Variants in ADCY8 observed in about 807,000 individuals in gnomAD.
The protein encoded by ADCY8 is adenylate cyclase type 8.
Under a neutral mutation model 119.7 loss-of-function variants are expected in ADCY8, and 51 were observed. The observed-to-expected ratio is 0.43, with a 90% confidence interval of 0.34 to 0.54. The LOEUF (loss-of-function observed/expected upper bound fraction) is 0.54, where lower values mean the gene tolerates loss of function less well. Ranked by LOEUF, ADCY8 falls within the 20% of genes least tolerant of loss-of-function variation. The pLI is 0.03. For missense variants in ADCY8, 1,383 were observed against 1,598.8 expected, an observed-to-expected ratio of 0.87 and a Z score of 2.30; for synonymous variants, 665 against 651.0, an observed-to-expected ratio of 1.02 and a Z score of -0.33.
chr8:131,040,347 A>AG lies in ADCY8; in HGVS notation c.-15dup. 1 of 1,475,166 alleles carries AG rather than the reference A, an allele frequency of 6.8e-7. No individual in the cohort carries two copies. The highest frequency in any genetic ancestry group is 1.4e-5 in the South Asian group (1 of 70,672). 91.4% of individuals were successfully genotyped at this position (1,475,166 alleles called of 1,614,324 possible). A position where few individuals can be genotyped will look rare whatever the true frequency, so the allele number is the denominator to read the frequency against. ...GGAGAGCTCCATGGCTCTGGGCCGC[A>AG]GGGAAGGAGGCCCAGAACCTTGGGG... On this transcript the variant is annotated 5_prime_UTR_variant, in exon 1 of 18. Coordinates refer to ENST00000286355, the MANE Select transcript of ADCY8 (RefSeq NM_001115.3).
At chr8:130,873,639 G>C (rs149938046) in intron 8 of ADCY8, among the ~76,000 whole-genome samples, 2 of 152,046 alleles carry the variant, frequency 1.3e-5, no homozygotes, top group African/African-American at 4.8e-5. Context: ...TTTTATCAAA[G>C]ATTGTAGGTG....
intron 1 of ADCY8, among the ~76,000 whole-genome samples, chr8:131,015,518 G>T (rs987425439): frequency 6.6e-6 from 1 of 152,142 alleles, no homozygotes; most frequent in Non-Finnish European, 1.5e-5. Context: ...TGGTAGAGAA[G>T]ATATAAACAA....
chr8:130,856,557 G>A (rs1248982134), intron 9 of ADCY8, among the ~76,000 whole-genome samples: 3 of 152,108 alleles, frequency 2.0e-5, no homozygotes, highest in Non-Finnish European at 4.4e-5. Flanking sequence ...CTTCGGTCAG[G>A]ACCCTAGTCC....
rs527363201 is a variant in ADCY8, at chr8:130,953,026, G to A, written c.1111-1028C>T. ...GATCACCACTGTAGACAAAAGGAAAGTAATGGGTTAACTAGCAACATGAAT... is the reference window on the plus strand; with the variant it reads ...GATCACCACTGTAGACAAAAGGAAAATAATGGGTTAACTAGCAACATGAAT... On this transcript the variant is annotated intron_variant, in intron 2 of 17. Transcript: ENST00000286355. 2.3e-3 allele frequency among the ~76,000 whole-genome samples: 350 copies of A among 152,298 alleles called. 1 individual carries two copies. Among genetic ancestry groups the A allele is most frequent in the African/African-American group, 8.2e-3 (340 of 41,562 alleles).
chr8:130,892,650 G>A (rs576886313), intron 7 of ADCY8: 1 of 152,322 alleles, frequency 6.6e-6, no homozygotes, highest in Admixed American at 6.5e-5. Flanking sequence ...GGCATTAAAT[G>A]CCTCACCTCT....
At chr8:130,803,864 T>C (rs1022893525) in intron 14 of ADCY8, among the ~76,000 whole-genome samples, 2 of 152,226 alleles carry the variant, frequency 1.3e-5, no homozygotes, top group Non-Finnish European at 2.9e-5. Flanking sequence ...ACTTTAAGCA[T>C]GGATTAATCT....
Position 130,990,311 on chromosome 8 carries a change from G to A in ADCY8, c.1110+82C>T, listed in dbSNP as rs1822534005. The A allele has an allele frequency of 7.9e-6, 12 of 1,516,918 alleles. No individual in the cohort carries two copies. In the Admixed American group the frequency reaches 2.4e-4, roughly 31 times the overall value. The allele number at this position is 1,516,918 out of a possible 1,614,324, so 94.0% of individuals were successfully genotyped here. A position where few individuals can be genotyped will look rare whatever the true frequency, so the allele number is the denominator to read the frequency against. ...AGAGAACACTTTTAAGTCAGGACGT[G>A]TTTGGGAGTAAAACAGTAGCTCCAT... On this transcript the variant is annotated intron_variant, in intron 2 of 17. Coordinates refer to ENST00000286355, the MANE Select transcript of ADCY8 (RefSeq NM_001115.3).
intron 13 of ADCY8, among the ~76,000 whole-genome samples, chr8:130,819,025 A>C (rs531420845): frequency 5.9e-5 from 9 of 152,374 alleles, no homozygotes; most frequent in Admixed American, 5.9e-4. Context: ...TATATGTGCG[A>C]GCCACTGGGA....
intron 15 of ADCY8, among the ~76,000 whole-genome samples, chr8:130,793,555 G>A (rs1815488704): frequency 6.6e-6 from 1 of 152,172 alleles, no homozygotes; most frequent in African/African-American, 2.4e-5. Context: ...TGCCTGTTTA[G>A]TTTGTCATTA....
intron 7 of ADCY8, chr8:130,892,865 G>A (rs947111406): frequency 6.6e-6 from 1 of 152,064 alleles, no homozygotes; most frequent in African/African-American, 2.4e-5. Context: ...TTGTCCCTTA[G>A]AGCTGGCCTA....
chr8:130,947,184 T>C (rs1228566362), intron 3 of ADCY8, among the ~76,000 whole-genome samples: 1 of 152,178 alleles, frequency 6.6e-6, no homozygotes, highest in Non-Finnish European at 1.5e-5. Context: ...ACTCTTCAAA[T>C]AGAATCCCCA....
intron 15 of ADCY8, among the ~76,000 whole-genome samples, chr8:130,788,996 G>C (rs1230749400): frequency 6.6e-6 from 1 of 152,124 alleles, no homozygotes; most frequent in Non-Finnish European, 1.5e-5. Flanking sequence ...ATAGAAAGCA[G>C]ATCAATAGTT....
intron 9 of ADCY8, among the ~76,000 whole-genome samples, chr8:130,856,061 C>G (rs1817720949): frequency 6.6e-6 from 1 of 152,024 alleles, no homozygotes; most frequent in Admixed American, 6.6e-5. Flanking sequence ...CCAGCCCTTC[C>G]TCCCCTTAAT....
intron 5 of ADCY8, among the ~76,000 whole-genome samples, chr8:130,935,193 A>T (rs982585934): frequency 6.6e-6 from 1 of 152,176 alleles, no homozygotes; most frequent in Non-Finnish European, 1.5e-5. Context: ...CTGGAATGGT[A>T]ATCCAGCTGT....
chr8:130,936,479 C>G (rs1421592719), intron 5 of ADCY8, among the ~76,000 whole-genome samples: 1 of 152,166 alleles, frequency 6.6e-6, no homozygotes, highest in East Asian at 1.9e-4. Flanking sequence ...TCTGTCACTA[C>G]TCTTTCCACC....
At chr8:131,005,924 C>A (rs1172785860) in intron 1 of ADCY8, among the ~76,000 whole-genome samples, 1 of 152,126 alleles carries the variant, frequency 6.6e-6, no homozygotes, top group African/African-American at 2.4e-5. Flanking sequence ...TTGAATGTTT[C>A]CTGCTGGAAC....
chr8:130,868,680 G>A (rs1281906192), intron 8 of ADCY8, among the ~76,000 whole-genome samples: 1 of 152,200 alleles, frequency 6.6e-6, no homozygotes, highest in African/African-American at 2.4e-5. Context: ...ACTTCCTCCA[G>A]AAGGTGGGAA....
At chr8:130,789,541 T>C (rs1196181492) in intron 15 of ADCY8, among the ~76,000 whole-genome samples, 4 of 127,812 alleles carry the variant, frequency 3.1e-5, no homozygotes, top group Non-Finnish European at 6.6e-5. Flanking sequence ...CACTAGGTGA[T>C]ATTTGGATGG....
chr8:130,936,931 C>T lies in ADCY8; in HGVS notation c.1481+142G>A, dbSNP rs910950784. The T allele has an allele frequency of 2.9e-5, 30 of 1,031,340 alleles. No homozygotes were observed. In the African/African-American group the frequency reaches 3.4e-4, roughly 12 times the overall value. 63.9% of individuals were successfully genotyped at this position (1,031,340 alleles called of 1,614,324 possible). ...AGGTTCATTGGTTTATATGGGAGAA[C>T]TAAGGGGCACACAGTTTTTGTGAAA... On this transcript the variant is annotated intron_variant, in intron 5 of 17. Coordinates refer to ENST00000286355, the MANE Select transcript of ADCY8 (RefSeq NM_001115.3).
Sources: gnomAD v4.1 joint callset for allele counts (sites outside exome capture counted in the v4.1 genomes callset) on GRCh38, gnomAD v4.1.1 for gene constraint, MANE v1.5 for transcripts, NCBI Gene and HGNC (gene_info 2026-07-23, HGNC 2026-07-21) for gene names.